The following ZAN variants were observed in gnomAD, a reference collection of about 807,000 sequenced individuals.
ZAN encodes the protein zonadhesin.
A neutral mutation model predicts 286.2 loss-of-function variants in ZAN; 260 were observed. The ratio of observed to expected loss-of-function variants is 0.91; its 90% CI spans 0.82 to 1.01. The LOEUF (loss-of-function observed/expected upper bound fraction) is 1.01, where lower values mean the gene tolerates loss of function less well. Among genes scored for constraint, ZAN ranks in the 50% least tolerant of loss-of-function variants. ZAN has a pLI of 0.00. For missense variants in ZAN, 3,410 were observed against 3,639.2 expected, an observed-to-expected ratio of 0.94 and a Z score of 1.62; for synonymous variants, 1,368 against 1,417.5, an observed-to-expected ratio of 0.97 and a Z score of 0.79.
At chr7:100,775,901 G>A in intron 33 of ZAN, 68 bp downstream of exon 33, 2 of 1,576,674 alleles carry the variant, frequency 1.3e-6, no homozygotes, top group Middle Eastern at 1.7e-4. Flanking sequence ...CGGCAGGGAT[G>A]GGGGGCAGTG....
chr7:100,785,649 C>G (rs969866287), intron 36 of ZAN, among the ~76,000 whole-genome samples: 1 of 151,172 alleles, frequency 6.6e-6, no homozygotes, highest in African/African-American at 2.5e-5. Flanking sequence ...CTGGCCCTCC[C>G]CTCTTCACTC....
At chr7:100,767,345 C>T (rs1222997985) in intron 25 of ZAN, 88 bp downstream of exon 25, 8 of 1,530,620 alleles carry the variant, frequency 5.2e-6, no homozygotes, top group Non-Finnish European at 7.0e-6. Flanking sequence ...ATGCCCACCT[C>T]TCTGGCTCCT....
intron 38 of ZAN, 33 bp downstream of exon 38, chr7:100,788,169 G>T: frequency 6.9e-7 from 1 of 1,444,878 alleles, no homozygotes. Context: ...GTGGGTGTGG[G>T]GAGGCAGCTG....
rs748972836 is a variant in ZAN at position 100,764,010 on chromosome 7, T to A, written c.4098-17T>A. 3 of 1,613,868 alleles carry A rather than the reference T, an allele frequency of 1.9e-6. No homozygotes were observed. Among genetic ancestry groups the A allele is most frequent in the Non-Finnish European group, 2.5e-6 (3 of 1,179,814 alleles). The stretch of plus-strand genomic sequence containing the variant: ...CCCCTTCCACTGCATTCCCCCTGAC[T>A]TGGTCACTCCCCTCAGGACATGCCT... On this transcript the variant is annotated splice_polypyrimidine_tract_variant and intron_variant, in intron 21 of 47. Coordinates refer to ENST00000613979, the MANE Select transcript of ZAN (RefSeq NM_003386.3).
At chr7:100,734,411 A>C (rs886158030) in intron 2 of ZAN, among the ~76,000 whole-genome samples, 190 bp downstream of exon 2, 2 of 139,688 alleles carry the variant, frequency 1.4e-5, no homozygotes, top group African/African-American at 5.2e-5. Context: ...CGAGGTCAGG[A>C]GATCGAGACC....
At position 100,750,830 on chromosome 7, in the gene ZAN, G is replaced by A. The variant is rs1032279822; in HGVS notation, c.1455G>A (p.Gly485=). ...SPPIPLWKRV[G]SQRPYWQNTS... is the part of the protein sequence containing the mutation. ...CGATTCCTCTCTGGAAACGCGTGGG[G>A]TCTCAGCGCCCTTACTGGCAGAACA... The change falls in exon 12 of 48, where the codon GGG becomes GGA. Residue 485 remains glycine, a synonymous_variant. Coordinates refer to ENST00000613979, the MANE Select transcript of ZAN (RefSeq NM_003386.3). 1.3e-6 allele frequency: 2 copies of A among 1,598,752 alleles called. No homozygotes were observed. Among genetic ancestry groups the A allele is most frequent in the African/African-American group, 1.3e-5 (1 of 74,766 alleles).
At position 100,759,775 on chromosome 7, in the gene ZAN, C is replaced by A. The variant is rs202043816; in HGVS notation, c.3626C>A (p.Ser1209Tyr). 5 of 1,603,724 alleles carry A rather than the reference C, an allele frequency of 3.1e-6. No homozygotes were observed. The highest frequency in any genetic ancestry group is 2.7e-5 in the African/African-American group (2 of 74,560). Residue 1209 changes from serine to tyrosine, a missense_variant, in exon 18 of 48, where the codon TCC (serine) becomes TAC (tyrosine). Physicochemically the swap from Ser to Tyr is moderately radical, Grantham distance 144. Around this residue, in one of 7 missense-constraint regions of ZAN, gnomAD observed 1,042 missense variants for 1,058.0 expected, o/e 0.98. Transcript: ENST00000613979. Reference protein sequence around the residue: ...KNEEQGQEGVSCLSKVYVTLP... With the variant: ...KNEEQGQEGVYCLSKVYVTLP... ...GAGGAGCAGGGACAGGAAGGCGTGT[C>A]CTGCCTGAGCAAAGTCTACGTGACC...
Position 100,752,871 on chromosome 7 carries a change from C to T in ZAN, c.2766C>T (p.Ile922=). The part of the protein sequence containing the change: ...KPTISTEKPT[I]PTEKPTIPTE... ...CCATCTCCACGGAAAAACCCACCAT[C>T]CCCACGGAAAAACCCACCATCCCCA... Residue 922 remains isoleucine (I), a synonymous_variant, in exon 14 of 48, where the codon ATC becomes ATT. Transcript: ENST00000613979. 1 of 1,610,204 alleles carries T rather than the reference C, an allele frequency of 6.2e-7. No homozygotes were observed. The highest frequency in any genetic ancestry group is 1.1e-5 in the South Asian group (1 of 90,790).
intron 15 of ZAN, among the ~76,000 whole-genome samples, chr7:100,755,786 G>A (rs956016644): frequency 1.2e-4 from 18 of 152,066 alleles, no homozygotes; most frequent in African/African-American, 3.4e-4. Context: ...TGCCCAGGCT[G>A]GTCTTGAAAT....
intron 36 of ZAN, among the ~76,000 whole-genome samples, chr7:100,785,639 C>T (rs1016210343): frequency 6.6e-5 from 10 of 151,370 alleles, no homozygotes; most frequent in African/African-American, 9.7e-5. Context: ...GGAAGGAGAA[C>T]TGGCCCTCCC....
intron 7 of ZAN, among the ~76,000 whole-genome samples, chr7:100,743,692 T>A (rs1303799965): frequency 6.8e-6 from 1 of 147,636 alleles, no homozygotes; most frequent in African/African-American, 2.5e-5. Flanking sequence ...GCCTGGAACA[T>A]ATAGTGAGAT....
Position 100,765,157 on chromosome 7 carries a change from C to T in ZAN, c.4268-195C>T, listed in dbSNP as rs78523708. Among the ~76,000 whole-genome samples the T allele has an allele frequency of 5.2e-3, 794 of 152,284 alleles. 9 individuals are homozygous for T. Among genetic ancestry groups the T allele is most frequent in the African/African-American group, 0.018 (751 of 41,572 alleles). Reference sequence around the variant, plus strand: ...ATAGGTCTATCTAAGTCTCTCAGGGCCGGCGCCTTAGTGCTGGCCCTGCAG... The same window carrying T: ...ATAGGTCTATCTAAGTCTCTCAGGGTCGGCGCCTTAGTGCTGGCCCTGCAG... On this transcript the variant is annotated intron_variant, in intron 22 of 47. Coordinates refer to ENST00000613979, the MANE Select transcript of ZAN (RefSeq NM_003386.3).
At chr7:100,773,515 G>T (rs1381363288) in intron 30 of ZAN, 22 bp downstream of exon 30, 7 of 1,610,490 alleles carry the variant, frequency 4.3e-6, no homozygotes, top group South Asian at 3.3e-5. Flanking sequence ...GCTAGGAGGG[G>T]CCCCGCCCTT....
In ZAN at chr7:100,765,516, C is replaced by A; in HGVS notation, c.4432C>A (p.Gln1478Lys). The A allele has an allele frequency of 6.2e-7, 1 of 1,610,560 alleles. No homozygotes were observed. Among genetic ancestry groups the A allele is most frequent in the East Asian group, 2.2e-5 (1 of 44,728 alleles). Residue 1478 changes from glutamine (Q) to lysine (K), a missense_variant, in exon 23 of 48, where the codon CAG becomes AAG. By Grantham distance (53) the Gln-to-Lys change is moderately conservative. Coordinates refer to ENST00000613979, the MANE Select transcript of ZAN (RefSeq NM_003386.3). ...TGGCCTCGAGTGCATACCTCGCTCC[C>A]AGTGTGGGTGCCTCCACCCTGCAGG... ...LSGLECIPRS[Q>K]CGCLHPAGSY...
intron 11 of ZAN, among the ~76,000 whole-genome samples, chr7:100,749,855 A>T (rs1224967977): frequency 6.6e-6 from 1 of 150,782 alleles, no homozygotes; most frequent in Non-Finnish European, 1.5e-5. Flanking sequence ...GTTCAAGACT[A>T]GCCTGGCCAA....
chr7:100,779,514 G>A lies in ZAN; in HGVS notation c.6386G>A (p.Cys2129Tyr). 2 of 1,612,480 alleles carry A rather than the reference G, an allele frequency of 1.2e-6. No homozygotes were observed. Among genetic ancestry groups the A allele is most frequent in the Non-Finnish European group, 1.7e-6 (2 of 1,179,496 alleles). The stretch of plus-strand genomic sequence containing the variant: ...CAGCAGGAGAACCCGAGTGGAAACT[G>A]CAGGGCGGCCGACCTCCGCAGGGCG... ...AEQQENPSGN[C>Y]RAADLRRARE... The change falls in exon 35 of 48, where the codon TGC becomes TAC. Residue 2129 changes from cysteine (C) to tyrosine (Y), a missense_variant. This residue lies in a region of ZAN where 1,289 missense variants were observed against 1,314.3 expected (regional missense o/e 0.98). Coordinates refer to ENST00000613979, the MANE Select transcript of ZAN (RefSeq NM_003386.3).
rs770945122 is a variant in ZAN at position 100,791,063 on chromosome 7, T to C, written c.7479T>C (p.Phe2493=). Residue 2493 remains phenylalanine, a synonymous_variant, in exon 40 of 48, where the codon TTT becomes TTC. Coordinates refer to ENST00000613979, the MANE Select transcript of ZAN (RefSeq NM_003386.3). The part of the protein sequence containing the change: ...SGALTQNLNT[F]GNSWEVKTED... ...CCCTGACCCAGAACCTCAACACCTT[T>C]GGCAACAGCTGGGAGGTGAAGACCG... The C allele has an allele frequency of 1.2e-6, 2 of 1,613,108 alleles. No individual in the cohort carries two copies. The highest frequency in any genetic ancestry group is 1.3e-5 in the African/African-American group (1 of 74,954).
intron 45 of ZAN, among the ~76,000 whole-genome samples, chr7:100,796,603 A>G (rs901858141): frequency 1.3e-5 from 2 of 151,836 alleles, no homozygotes. Flanking sequence ...TTTAGTAGGG[A>G]TGGGGTTTCG....
chr7:100,748,131 C>G lies in ZAN; in HGVS notation c.1024-6C>G. ...TCACTCCTGCTCCATCTCCCTTTCT[C>G]TCCAGTTTGCCGTGGTAGGCGTTTT... On this transcript the variant is annotated splice_polypyrimidine_tract_variant and splice_region_variant and intron_variant, in intron 9 of 47. Transcript: ENST00000613979. The G allele has an allele frequency of 1.2e-6, 2 of 1,613,656 alleles. No individual in the cohort carries two copies. The highest frequency in any genetic ancestry group is 1.7e-6 in the Non-Finnish European group (2 of 1,179,724).
Sources: gnomAD v4.1 joint callset for allele counts (sites outside exome capture counted in the v4.1 genomes callset) on GRCh38, gnomAD v4.1.1 for gene constraint, gnomAD v4.1.1 regional missense constraint, MANE v1.5 for transcripts, NCBI Gene and HGNC (gene_info 2026-07-23, HGNC 2026-07-21) for gene names.